PCDHA1: variants seen among roughly 807,000 people sequenced by gnomAD.
PCDHA1 encodes protocadherin alpha-1.
Under a neutral mutation model 61.3 loss-of-function variants are expected in PCDHA1, and 42 were observed. That is an observed-to-expected ratio of 0.69 (90% CI 0.54 to 0.89). The LOEUF is 0.89. Ranked by LOEUF, PCDHA1 falls within the 40% of genes least tolerant of loss-of-function variation. The pLI is 0.00. For missense variants in PCDHA1, 1,256 were observed against 1,235.3 expected (o/e 1.02, Z -0.25); for synonymous variants, 610 against 553.8 (o/e 1.10, Z -1.43).
chr5:140,920,559 C>T (rs2153557837), intron 1 of PCDHA1, among the ~76,000 whole-genome samples: 2 of 152,226 alleles, frequency 1.3e-5, no homozygotes, highest in South Asian at 4.1e-4. Context: ...GAAGTGTGGC[C>T]CTTAGGCCAG....
At chr5:141,002,052 G>GGCA (rs1217531547) in intron 3 of PCDHA1, among the ~76,000 whole-genome samples, 1 of 152,206 alleles carries the variant, frequency 6.6e-6, no homozygotes, top group Non-Finnish European at 1.5e-5. Flanking sequence ...GGCATCCAGA[G>GGCA]GCAGCAGCAG....
chr5:140,999,338 G>T (rs1451765927), intron 3 of PCDHA1, among the ~76,000 whole-genome samples: 2 of 152,126 alleles, frequency 1.3e-5, no homozygotes, highest in African/African-American at 2.4e-5. Context: ...TGATTTATAA[G>T]CCTTGTCTCT....
chr5:140,818,631 G>A (rs1317233470), intron 1 of PCDHA1, among the ~76,000 whole-genome samples: 6 of 152,132 alleles, frequency 3.9e-5, no homozygotes, highest in Admixed American at 3.9e-4. Flanking sequence ...GAGCCCAGGA[G>A]TTCAAGATGA....
intron 1 of PCDHA1, among the ~76,000 whole-genome samples, chr5:140,840,787 C>T (rs1335251358): frequency 6.6e-6 from 1 of 151,984 alleles, no homozygotes; most frequent in South Asian, 2.1e-4. Context: ...GAATTATATG[C>T]TCACCTCAGA....
chr5:140,796,605 C>T, intron 1 of PCDHA1: 1 of 1,613,674 alleles, frequency 6.2e-7, no homozygotes, highest in Non-Finnish European at 8.5e-7. Flanking sequence ...CTCTGGGCAG[C>T]AACGTGACGC....
intron 1 of PCDHA1, chr5:140,870,089 T>A (rs782364525): frequency 6.2e-7 from 1 of 1,613,914 alleles, no homozygotes; most frequent in Admixed American, 1.7e-5. Flanking sequence ...ACTCCCCCAA[T>A]GGCAGGTCAC....
chr5:140,828,368 G>T, intron 1 of PCDHA1: 1 of 1,614,288 alleles, frequency 6.2e-7, no homozygotes, highest in African/African-American at 1.3e-5. Flanking sequence ...GATCGACCGC[G>T]AGGAGCTGTG....
intron 1 of PCDHA1, chr5:140,807,795 A>T: frequency 6.2e-7 from 1 of 1,614,158 alleles, no homozygotes; most frequent in Non-Finnish European, 8.5e-7. Flanking sequence ...TTAGACAGAG[A>T]AGAAGCTCCG....
chr5:140,889,388 A>C (rs1554183883), intron 1 of PCDHA1, among the ~76,000 whole-genome samples: 1 of 152,070 alleles, frequency 6.6e-6, no homozygotes, highest in African/African-American at 2.4e-5. Context: ...AGGACCATTC[A>C]GAGTTTAATT....
chr5:140,885,083 C>T (rs1359793188), intron 1 of PCDHA1, among the ~76,000 whole-genome samples: 3 of 151,992 alleles, frequency 2.0e-5, no homozygotes, highest in Admixed American at 6.5e-5. Context: ...TAAAGAGCCC[C>T]ATAACTTTTC....
intron 1 of PCDHA1, chr5:140,801,049 C>G (rs1170027374): frequency 2.1e-6 from 3 of 1,438,556 alleles, no homozygotes; most frequent in Admixed American, 5.7e-5. Flanking sequence ...AAAGAAATAA[C>G]AGCGTGCATT....
At chr5:140,966,865 G>T (rs1554228807) in intron 1 of PCDHA1, 4 of 1,565,172 alleles carry the variant, frequency 2.6e-6, no homozygotes, top group Non-Finnish European at 1.7e-6. Context: ...TGCTGTTGCT[G>T]CTGCTGCTAC....
At chr5:140,883,225 C>T in intron 1 of PCDHA1, 1 of 1,613,914 alleles carries the variant, frequency 6.2e-7, no homozygotes, top group East Asian at 2.2e-5. Context: ...ATGAAATATC[C>T]GTGGAGGCAG....
At chr5:140,900,178 T>G (rs972449455) in intron 1 of PCDHA1, among the ~76,000 whole-genome samples, 1 of 152,238 alleles carries the variant, frequency 6.6e-6, no homozygotes, top group East Asian at 1.9e-4. Flanking sequence ...GCCTGGTTTA[T>G]GTCACTTATA....
At chr5:140,849,983 G>A (rs1554143561) in intron 1 of PCDHA1, 6 of 1,597,534 alleles carry the variant, frequency 3.8e-6, no homozygotes, top group Admixed American at 1.7e-5. Context: ...CGCTGGTGGA[G>A]CGGCGGTTGG....
At chr5:140,939,965 C>T (rs565275285) in intron 1 of PCDHA1, among the ~76,000 whole-genome samples, 1 of 152,100 alleles carries the variant, frequency 6.6e-6, no homozygotes, top group African/African-American at 2.4e-5. Context: ...TAAAGTGTTC[C>T]ACGATGAATA....
chr5:140,917,324 C>CGGGGG (rs1299895515), intron 1 of PCDHA1, among the ~76,000 whole-genome samples: 1 of 76,186 alleles, frequency 1.3e-5, no homozygotes, highest in Non-Finnish European at 2.9e-5. Flanking sequence ...GTTCATGTGG[C>CGGGGG]GGGGGAGGGG....
chr5:140,823,902 G>C, intron 1 of PCDHA1: 1 of 1,614,050 alleles, frequency 6.2e-7, no homozygotes, highest in Non-Finnish European at 8.5e-7. Context: ...TGTCCAGCCT[G>C]CTGGTGCTCA....
chr5:140,841,199 A>G, intron 1 of PCDHA1: 2 of 1,287,918 alleles, frequency 1.6e-6, no homozygotes, highest in South Asian at 3.0e-5. Flanking sequence ...TTTCTCTGAC[A>G]GCATCTGTCT....
Sources: gnomAD v4.1 joint callset for allele counts (sites outside exome capture counted in the v4.1 genomes callset) on GRCh38, gnomAD v4.1.1 for gene constraint, MANE v1.5 for transcripts, NCBI Gene and HGNC (gene_info 2026-07-23, HGNC 2026-07-21) for gene names.